Variants in TNNI3K observed in about 807,000 individuals in gnomAD.
TNNI3K encodes the protein serine/threonine-protein kinase TNNI3K.
TNNI3K carries 140 observed loss-of-function variants against 114.5 expected under a neutral mutation model. The observed-to-expected ratio is 1.22, with a 90% CI of 1.07 to 1.41. The LOEUF is 1.41. TNNI3K is among the 40% of genes most tolerant of loss of function. The pLI, the probability that TNNI3K is intolerant of heterozygous loss-of-function variation, is 0.00. For missense variants in TNNI3K, 1,125 were observed against 1,007.6 expected (o/e 1.12, Z -1.58); for synonymous variants, 347 against 347.5 (o/e 1.00, Z 0.02).
rs529758162 is a variant in TNNI3K, at chr1:74,245,917, A to G, written c.150-3542A>G. Among the ~76,000 whole-genome samples, 137 of 152,328 alleles carry G rather than the reference A, an allele frequency of 9.0e-4. 1 individual carries two copies. The highest frequency in any genetic ancestry group is 3.0e-3 in the African/African-American group (125 of 41,574). ...TAGACATGCTTACTAATACTGGGAA[A>G]CACACCTCAACTTGCTTTGGAAAGC... On this transcript the variant is annotated intron_variant, in intron 2 of 24. Transcript: ENST00000326637.
intron 5 of TNNI3K, among the ~76,000 whole-genome samples, chr1:74,311,142 T>G (rs887631838): frequency 2.6e-5 from 4 of 152,210 alleles, no homozygotes; most frequent in Admixed American, 2.6e-4. Context: ...GGATCATTAC[T>G]TTTGAACTAT....
At chr1:74,316,167 G>A (rs1367526975) in intron 5 of TNNI3K, among the ~76,000 whole-genome samples, 1 of 152,220 alleles carries the variant, frequency 6.6e-6, no homozygotes, top group African/African-American at 2.4e-5. Context: ...CCAAGCTTAT[G>A]GTCTAGTGAA....
rs897945628 is a variant in TNNI3K at position 74,241,311 on chromosome 1, A to G, written c.149+5101A>G. 2.0e-4 allele frequency among the ~76,000 whole-genome samples: 30 copies of G among 152,280 alleles called. No individual in the cohort carries two copies. The South Asian group carries it at 2.3e-3, about 12-fold the overall frequency. On this transcript the variant is annotated intron_variant, in intron 2 of 24. Transcript: ENST00000326637. ...TATATACCCAGTAATGGGATGGCTGAGTCAAATGGTATTTCTAGTTCTAGA... is the reference window on the plus strand; with the variant it reads ...TATATACCCAGTAATGGGATGGCTGGGTCAAATGGTATTTCTAGTTCTAGA...
At chr1:74,468,582 CTTAAG>C (rs756420492) in intron 21 of TNNI3K, 7 of 152,136 alleles carry the variant, frequency 4.6e-5, no homozygotes, top group African/African-American at 1.2e-4. Flanking sequence ...AAATAAGAAA[CTTAAG>C]TTATTTCCTA....
At chr1:74,238,906 C>T (rs553773784) in intron 2 of TNNI3K, among the ~76,000 whole-genome samples, 2 of 152,160 alleles carry the variant, frequency 1.3e-5, no homozygotes, top group African/African-American at 4.8e-5. Flanking sequence ...GATTCCATGA[C>T]TCCACCCTTT....
At chr1:74,353,748 T>G (rs1335767411) in intron 10 of TNNI3K, among the ~76,000 whole-genome samples, 2 of 152,128 alleles carry the variant, frequency 1.3e-5, no homozygotes, top group Non-Finnish European at 2.9e-5. Context: ...ATACTATAAT[T>G]GTACTGAGGA....
At chr1:74,333,584 T>C (rs512920) in intron 6 of TNNI3K, among the ~76,000 whole-genome samples, 13,588 of 152,280 alleles carry the variant, frequency 0.089, 967 homozygotes, top group African/African-American at 0.19. Context: ...GTGGATGGCC[T>C]TTTTATGATA....
At chr1:74,454,123 C>T (rs957020197) in intron 20 of TNNI3K, among the ~76,000 whole-genome samples, 1 of 151,856 alleles carries the variant, frequency 6.6e-6, no homozygotes, top group Non-Finnish European at 1.5e-5. Context: ...TTATGGGGTA[C>T]ATGTGATGTT....
intron 17 of TNNI3K, chr1:74,377,154 C>G (rs1186898780): frequency 2.0e-5 from 3 of 152,014 alleles, no homozygotes; most frequent in Admixed American, 2.0e-4. Context: ...TGATCATTTG[C>G]CGTATAACTT....
intron 21 of TNNI3K, chr1:74,468,049 A>G (rs1415145821): frequency 1.3e-5 from 2 of 152,166 alleles, no homozygotes; most frequent in Non-Finnish European, 2.9e-5. Context: ...CCTGAGAACT[A>G]TTTCAAAGGA....
At chr1:74,364,560 G>A (rs963578383) in intron 11 of TNNI3K, among the ~76,000 whole-genome samples, 25 of 151,030 alleles carry the variant, frequency 1.7e-4, no homozygotes, top group Non-Finnish European at 2.4e-4. Context: ...AATGCCCCCC[G>A]CCACCCCCAA....
At chr1:74,297,734 A>T (rs1658084047) in intron 5 of TNNI3K, among the ~76,000 whole-genome samples, 1 of 152,040 alleles carries the variant, frequency 6.6e-6, no homozygotes, top group African/African-American at 2.4e-5. Flanking sequence ...CGTATTTCTT[A>T]TAAGGTGCCT....
chr1:74,300,636 A>G (rs1658267534), intron 5 of TNNI3K, among the ~76,000 whole-genome samples: 1 of 152,218 alleles, frequency 6.6e-6, no homozygotes, highest in South Asian at 2.1e-4. Flanking sequence ...AAATGTTGAA[A>G]TAGGATTGAG....
chr1:74,452,928 A>C (rs1386946382), intron 20 of TNNI3K, among the ~76,000 whole-genome samples: 1 of 152,100 alleles, frequency 6.6e-6, no homozygotes, highest in Non-Finnish European at 1.5e-5. Context: ...TCCACTTTTC[A>C]TTACAGCAAC....
chr1:74,445,428 A>T (rs1349921778), intron 20 of TNNI3K, among the ~76,000 whole-genome samples: 1 of 113,726 alleles, frequency 8.8e-6, no homozygotes, highest in Non-Finnish European at 1.7e-5. Flanking sequence ...TGTCCATGTG[A>T]TCTCATTGTT....
intron 20 of TNNI3K, among the ~76,000 whole-genome samples, chr1:74,449,414 G>C (rs1390931612): frequency 1.3e-5 from 2 of 151,702 alleles, no homozygotes; most frequent in African/African-American, 2.4e-5. Context: ...CAAAAAACCA[G>C]CTCCTGGATT....
At chr1:74,402,041 GTTCTCATCC>G (rs1553141896) in intron 17 of TNNI3K, 1 of 218,992 alleles carries the variant, frequency 4.6e-6, no homozygotes, top group Non-Finnish European at 9.1e-6. Flanking sequence ...GAATAATCTG[GTTCTCATCC>G]TTTAGAGTTT....
intron 9 of TNNI3K, among the ~76,000 whole-genome samples, chr1:74,345,334 T>C (rs1027048179): frequency 4.6e-5 from 7 of 152,068 alleles, no homozygotes; most frequent in African/African-American, 1.7e-4. Flanking sequence ...ATTCTTTCAG[T>C]CCTTAAAGGA....
intron 17 of TNNI3K, 26 bp from the exon 18 acceptor site, chr1:74,436,054 A>G: frequency 8.2e-7 from 1 of 1,220,960 alleles, no homozygotes; most frequent in Non-Finnish European, 1.1e-6. Context: ...CTCAATGTCT[A>G]CTTTTTTTTT....
Sources: gnomAD v4.1 joint callset for allele counts (sites outside exome capture counted in the v4.1 genomes callset) on GRCh38, gnomAD v4.1.1 for gene constraint, MANE v1.5 for transcripts, NCBI Gene and HGNC (gene_info 2026-07-23, HGNC 2026-07-21) for gene names.